The following SLC26A2 variants were observed in gnomAD, a reference collection of about 807,000 sequenced individuals.
SLC26A2 encodes the protein solute carrier family 26 member 2.
In SLC26A2, 36 loss-of-function variants were observed where a neutral mutation model predicts 41.1. The observed-to-expected ratio is 0.88, with a 90% confidence interval of 0.67 to 1.16. SLC26A2 has a LOEUF of 1.16. Ranked by LOEUF, SLC26A2 falls within the 50% of genes most tolerant of loss-of-function variation. The pLI is 0.00. For synonymous variants in SLC26A2, 291 were observed against 311.6 expected (o/e 0.93, Z 0.70); for missense variants, 796 against 869.6 (o/e 0.92, Z 1.07).
At chr5:149,972,377 G>A (rs1055138191) in intron 1 of SLC26A2, among the ~76,000 whole-genome samples, 1 of 152,178 alleles carries the variant, frequency 6.6e-6, no homozygotes, top group African/African-American at 2.4e-5. Flanking sequence ...AAGGACCATG[G>A]CCATGAATGT....
rs775667788 is a variant in SLC26A2 at position 149,980,974 on chromosome 5, G to T, written c.1381G>T (p.Ala461Ser). ...CHTQLSGVVT[A>S]LVLLLVLLVI... ...TACTCAGCTTTCTGGTGTGGTAACA[G>T]CCCTGGTTCTTTTGTTGGTCCTCCT... Residue 461 changes from alanine (A) to serine (S), a missense_variant, in exon 3 of 3, where the codon GCC becomes TCC. Physicochemically the swap from Ala to Ser is moderately conservative, Grantham distance 99 (BLOSUM62 1). Transcript: ENST00000286298. 6.2e-7 allele frequency: 1 copy of T among 1,614,126 alleles called. No individual in the cohort carries two copies. Among genetic ancestry groups the T allele is most frequent in the Non-Finnish European group, 8.5e-7 (1 of 1,180,012 alleles).
intron 1 of SLC26A2, among the ~76,000 whole-genome samples, chr5:149,973,374 T>A (rs982958506): frequency 6.6e-6 from 1 of 152,140 alleles, no homozygotes; most frequent in Non-Finnish European, 1.5e-5. Context: ...TCCTGGACTT[T>A]CTTTGTTATG....
rs185342088 is a variant in SLC26A2 at position 149,961,286 on chromosome 5, G to A, written c.-26+307G>A. The stretch of plus-strand genomic sequence containing the variant: ...GCACTCCGCTGCTTTTCCAGTCCTC[G>A]TTGATCCGTCTCGAACCTAGATATC... On this transcript the variant is annotated intron_variant, in intron 1 of 2. Transcript: ENST00000286298. 4.6e-5 allele frequency among the ~76,000 whole-genome samples: 7 copies of A among 152,274 alleles called. No homozygotes were observed. In the East Asian group the frequency reaches 1.2e-3, roughly 25 times the overall value.
intron 1 of SLC26A2, among the ~76,000 whole-genome samples, chr5:149,963,739 T>TA (rs1754755594): frequency 2.4e-5 from 1 of 42,084 alleles, no homozygotes; most frequent in Non-Finnish European, 3.7e-5. Context: ...TTTGTTTAAC[T>TA]TTTTTTTTTT....
chr5:149,985,936 A>T lies in SLC26A2; in HGVS notation c.*4123A>T, dbSNP rs1325732526. 1 of 152,246 alleles carries T rather than the reference A, an allele frequency of 6.6e-6. No homozygotes were observed. The highest frequency in any genetic ancestry group is 1.5e-5 in the Non-Finnish European group (1 of 68,038). 9.4% of individuals were successfully genotyped at this position (152,246 alleles called of 1,614,324 possible). ...TTTGAGATCTGAGCAGGAGGCAGTG[A>T]TGTCCCTGGTCTATTCAGGGAAAGA... On this transcript the variant is annotated 3_prime_UTR_variant, in exon 3 of 3. Transcript: ENST00000286298.
Position 149,966,816 on chromosome 5 carries a change from T to C in SLC26A2, c.-26+5837T>C, listed in dbSNP as rs374599831. Among the ~76,000 whole-genome samples, 4 of 152,318 alleles carry C rather than the reference T, an allele frequency of 2.6e-5. No individual in the cohort carries two copies. The East Asian group carries it at 7.7e-4, about 29-fold the overall frequency. On this transcript the variant is annotated intron_variant, in intron 1 of 2. Transcript: ENST00000286298. ...AAATCTATCCAATGAAGCTGTCATA[T>C]TTTAAAACTAAATATAACTGTTTTT...
At chr5:149,974,637 A>G (rs1408745501) in intron 1 of SLC26A2, among the ~76,000 whole-genome samples, 1 of 146,336 alleles carries the variant, frequency 6.8e-6, no homozygotes, top group Non-Finnish European at 1.5e-5. Flanking sequence ...GTTGGCCAGG[A>G]TGGTCTTGAT....
intron 1 of SLC26A2, among the ~76,000 whole-genome samples, chr5:149,969,950 T>G (rs944947299): frequency 6.6e-6 from 1 of 152,210 alleles, no homozygotes; most frequent in African/African-American, 2.4e-5. Context: ...AATCCACTGA[T>G]TTTGGGTAGA....
rs113130814 is a variant in SLC26A2, at chr5:149,976,136, C to T, written c.-25-1492C>T. Among the ~76,000 whole-genome samples, 41 of 148,342 alleles carry T rather than the reference C, an allele frequency of 2.8e-4. No homozygotes were observed. The East Asian group carries it at 3.1e-3, about 11-fold the overall frequency. On this transcript the variant is annotated intron_variant, in intron 1 of 2. Transcript: ENST00000286298. ...TTGCACCACTGCACTCCAGCCTGGG[C>T]GACAGAGTGAAACTCTGTCTCAAAA...
rs769575035 is a variant in SLC26A2 at position 149,980,994 on chromosome 5, C to G, written c.1401C>G (p.Val467=). Residue 467 remains valine (V), a synonymous_variant, in exon 3 of 3, where the codon GTC becomes GTG. Transcript: ENST00000286298. ...GVVTALVLLL[V]LLVIAPLFYS... ...TAACAGCCCTGGTTCTTTTGTTGGT[C>G]CTCCTAGTAATAGCTCCTTTGTTCT... is the stretch of plus-strand genomic sequence containing the variant. 1 of 1,614,070 alleles carries G rather than the reference C, an allele frequency of 6.2e-7. No homozygotes were observed. The highest frequency in any genetic ancestry group is 8.5e-7 in the Non-Finnish European group (1 of 1,179,972).
In SLC26A2 at chr5:149,981,498, G is replaced by A. The variant is rs757934013; in HGVS notation, c.1905G>A (p.Met635Ile). Residue 635 changes from methionine to isoleucine, a missense_variant, in exon 3 of 3, where the codon ATG becomes ATA. Physicochemically the swap from Met to Ile is conservative, Grantham distance 10 (BLOSUM62 1). Coordinates refer to ENST00000286298, the MANE Select transcript of SLC26A2 (RefSeq NM_000112.4). ...VVTLGGIQDE[M>I]SVQLSHDPLE... ...CTCTTGGTGGAATCCAGGATGAAAT[G>A]TCAGTGCAACTTTCCCATGATCCCT... The A allele has an allele frequency of 5.0e-6, 8 of 1,614,016 alleles. No individual in the cohort carries two copies. Among genetic ancestry groups the A allele is most frequent in the Non-Finnish European group, 6.8e-6 (8 of 1,180,014 alleles).
chr5:149,976,250 A>G (rs1010076182), intron 1 of SLC26A2, among the ~76,000 whole-genome samples: 5 of 152,148 alleles, frequency 3.3e-5, no homozygotes, highest in African/African-American at 9.7e-5. Context: ...TAAGCCTGCT[A>G]TCTCAGCGTT....
chr5:149,977,645 C>A lies in SLC26A2; in HGVS notation c.-8C>A, dbSNP rs757882784. The A allele has an allele frequency of 6.3e-7, 1 of 1,598,970 alleles. No individual in the cohort carries two copies. The highest frequency in any genetic ancestry group is 8.6e-7 in the Non-Finnish European group (1 of 1,166,374). On this transcript the variant is annotated 5_prime_UTR_variant, in exon 2 of 3. Coordinates refer to ENST00000286298, the MANE Select transcript of SLC26A2 (RefSeq NM_000112.4). ...TGGTGTAGGAAGCTGAACCATCTAT[C>A]TCCAGAAATGTCTTCAGAAAGTAAA...
At chr5:149,965,479 CA>C (rs55779255) in intron 1 of SLC26A2, among the ~76,000 whole-genome samples, 2,792 of 63,906 alleles carry the variant, frequency 0.044, 34 homozygotes, top group African/African-American at 0.15. Context: ...GACTCTGTCT[CA>C]AAAAAAAAAA....
chr5:149,971,470 G>A (rs191344244), intron 1 of SLC26A2, among the ~76,000 whole-genome samples: 7 of 152,264 alleles, frequency 4.6e-5, no homozygotes, highest in Non-Finnish European at 1.0e-4. Context: ...TGTGATCTCA[G>A]CTCACTTCAG....
rs1755208966 is a variant in SLC26A2, at chr5:149,986,931, GCTT to G, written c.*5121_*5123del. On this transcript the variant is annotated 3_prime_UTR_variant, in exon 3 of 3. Coordinates refer to ENST00000286298, the MANE Select transcript of SLC26A2 (RefSeq NM_000112.4). Reference sequence around the variant, plus strand: ...TGGTTTGAGTCCTGTTGCTGCCATGGCTTCTGTTTCTCAGAAATGAGTGTGTAT... The same window carrying G: ...TGGTTTGAGTCCTGTTGCTGCCATGGCTGTTTCTCAGAAATGAGTGTGTAT... 6.6e-6 allele frequency: 1 copy of G among 152,202 alleles called. No individual in the cohort carries two copies. The highest frequency in any genetic ancestry group is 1.5e-5 in the Non-Finnish European group (1 of 68,034). 9.4% of individuals were successfully genotyped at this position (152,202 alleles called of 1,614,324 possible). A position where few individuals can be genotyped will look rare whatever the true frequency, so the allele number is the denominator to read the frequency against.
At chr5:149,967,303 C>A (rs1269094759) in intron 1 of SLC26A2, among the ~76,000 whole-genome samples, 1 of 152,116 alleles carries the variant, frequency 6.6e-6, no homozygotes, top group African/African-American at 2.4e-5. Flanking sequence ...GGTACTCTCT[C>A]TATATATATA....
At chr5:149,969,993 A>G (rs1414560670) in intron 1 of SLC26A2, among the ~76,000 whole-genome samples, 1 of 151,122 alleles carries the variant, frequency 6.6e-6, no homozygotes, top group Non-Finnish European at 1.5e-5. Context: ...GCAAGAATTT[A>G]CTGAACCTCT....
At chr5:149,980,036 T>C (rs1755064332) in intron 2 of SLC26A2, among the ~76,000 whole-genome samples, 1 of 152,132 alleles carries the variant, frequency 6.6e-6, no homozygotes, top group South Asian at 2.1e-4. Flanking sequence ...AAGAAACGTA[T>C]GAAAAGAAAG....
Sources: gnomAD v4.1 joint callset for allele counts (sites outside exome capture counted in the v4.1 genomes callset) on GRCh38, gnomAD v4.1.1 for gene constraint, MANE v1.5 for transcripts, NCBI Gene and HGNC (gene_info 2026-07-23, HGNC 2026-07-21) for gene names.